The following ARHGEF12 variants were observed in gnomAD, a reference collection of about 807,000 sequenced individuals.
ARHGEF12 encodes the protein KMT2A/ARHGEF12 fusion protein.
ARHGEF12 carries 66 observed loss-of-function variants against 211.2 expected under a neutral mutation model. That is an observed-to-expected ratio of 0.31 (90% CI 0.26 to 0.38). The LOEUF (loss-of-function observed/expected upper bound fraction) is 0.38. ARHGEF12 is among the 10% of genes least tolerant of loss of function. The pLI, the probability that ARHGEF12 is intolerant of heterozygous loss-of-function variation, is 1.00. For synonymous variants in ARHGEF12, 592 were observed against 638.4 expected, an observed-to-expected ratio of 0.93 and a Z score of 1.09; for missense variants, 1,429 against 1,869.5, an observed-to-expected ratio of 0.76 and a Z score of 4.34.
intron 6 of ARHGEF12, 139 bp from the exon 7 acceptor site, chr11:120,424,219 G>A: frequency 1.9e-6 from 1 of 529,344 alleles, no homozygotes; most frequent in Non-Finnish European, 3.2e-6. Context: ...AATGAATATT[G>A]AATCAAATAC....
In ARHGEF12 at chr11:120,368,240, A is replaced by G. The variant is rs568465745; in HGVS notation, c.32+30965A>G. 2.6e-5 allele frequency among the ~76,000 whole-genome samples: 4 copies of G among 152,252 alleles called. No homozygotes were observed. The East Asian group carries it at 7.7e-4, about 29-fold the overall frequency. ...ATCTCCATGATAACAACATCATCTT[A>G]TATCATGACTACTGACTAAAATCCT... On this transcript the variant is annotated intron_variant, in intron 1 of 40. Coordinates refer to ENST00000397843, the MANE Select transcript of ARHGEF12 (RefSeq NM_015313.3).
At chr11:120,421,748 A>G in intron 5 of ARHGEF12, 55 bp from the exon 6 acceptor site, 1 of 1,502,752 alleles carries the variant, frequency 6.7e-7, no homozygotes, top group Non-Finnish European at 9.3e-7. Flanking sequence ...TCTGTCAGGA[A>G]GATGATCAGT....
At chr11:120,477,087 G>T (rs1484323022) in intron 34 of ARHGEF12, 132 bp from the exon 35 acceptor site, 9 of 425,046 alleles carry the variant, frequency 2.1e-5, no homozygotes, top group Non-Finnish European at 2.6e-5. Flanking sequence ...GGGTTTTGTT[G>T]TTGTTGTTGT....
At position 120,465,061 on chromosome 11, in the gene ARHGEF12, G is replaced by A. The variant is rs561368820; in HGVS notation, c.2614-176G>A. Reference sequence around the variant, plus strand: ...TTGGAATATGATCAGAAAAGGTCTGGTTGTGTCAAGATCAGACCTTTTTAA... The same window carrying A: ...TTGGAATATGATCAGAAAAGGTCTGATTGTGTCAAGATCAGACCTTTTTAA... On this transcript the variant is annotated intron_variant, in intron 27 of 40. Transcript: ENST00000397843. 949 of 741,856 alleles carry A rather than the reference G, an allele frequency of 1.3e-3. 6 individuals carry two copies. Among genetic ancestry groups the A allele is most frequent in the South Asian group, 6.7e-3 (339 of 50,414 alleles). The allele number at this position is 741,856 out of a possible 1,614,324, so 46.0% of individuals were successfully genotyped here.
At chr11:120,353,756 A>G (rs1001976635) in intron 1 of ARHGEF12, among the ~76,000 whole-genome samples, 1 of 152,202 alleles carries the variant, frequency 6.6e-6, no homozygotes, top group African/African-American at 2.4e-5. Context: ...TGCTCAGGGT[A>G]AGCTTTGTCC....
chr11:120,466,192 C>T (rs569421670), intron 28 of ARHGEF12, among the ~76,000 whole-genome samples: 148 of 152,318 alleles, frequency 9.7e-4, no homozygotes, highest in South Asian at 4.4e-3. Context: ...ACAGCGTCAG[C>T]GGGAGCTGCA....
chr11:120,451,743 T>G lies in ARHGEF12; in HGVS notation c.2056+19T>G. 1.2e-6 allele frequency: 2 copies of G among 1,600,816 alleles called. No homozygotes were observed. The highest frequency in any genetic ancestry group is 1.1e-5 in the South Asian group (1 of 89,806). Reference sequence around the variant, plus strand: ...GATACAGGTGAGCTATTACTGTAGTTCAGCTTAACTAAGCATCAAGATTTT... The same window carrying G: ...GATACAGGTGAGCTATTACTGTAGTGCAGCTTAACTAAGCATCAAGATTTT... On this transcript the variant is annotated intron_variant, in intron 22 of 40. Transcript: ENST00000397843.
rs576621893 is a variant in ARHGEF12 at position 120,446,308 on chromosome 11, C to G, written c.1346-95C>G. The stretch of plus-strand genomic sequence containing the variant: ...CTGAAGAACTTCCCTCTGGCATATT[C>G]TAAGTTAATTTGTACGAAGTAGCAT... On this transcript the variant is annotated intron_variant, in intron 16 of 40. Transcript: ENST00000397843. 675 of 814,464 alleles carry G rather than the reference C, an allele frequency of 8.3e-4. 2 individuals carry two copies. Among genetic ancestry groups the G allele is most frequent in the Non-Finnish European group, 6.1e-4 (341 of 555,626 alleles). The allele number at this position is 814,464 out of a possible 1,614,324, so 50.5% of individuals were successfully genotyped here.
intron 1 of ARHGEF12, among the ~76,000 whole-genome samples, chr11:120,404,043 C>T (rs540572439): frequency 7.2e-5 from 11 of 152,174 alleles, no homozygotes; most frequent in Admixed American, 2.6e-4. Flanking sequence ...AATCTCCTAC[C>T]TCCATTCTCA....
At chr11:120,451,388 A>C (rs1946209213) in intron 21 of ARHGEF12, 124 bp from the exon 22 acceptor site, 1 of 782,498 alleles carries the variant, frequency 1.3e-6, no homozygotes, top group Admixed American at 2.6e-5. Flanking sequence ...CATATTAGCC[A>C]GGATGGTCTC....
chr11:120,469,310 G>A lies in ARHGEF12; in HGVS notation c.2877G>A (p.Lys959=), dbSNP rs917577520. The A allele has an allele frequency of 5.6e-6, 9 of 1,612,940 alleles. No individual in the cohort carries two copies. The highest frequency in any genetic ancestry group is 5.0e-5 in the Admixed American group (3 of 59,914). ...TAGAATGGCCAACAGAAAGGGAGAA[G>A]GTGAAGAAAGCTGCAGATCACTGTC... ...KYTEWPTERE[K]VKKAADHCRQ... is the part of the protein sequence containing the mutation. Residue 959 remains lysine, a synonymous_variant, in exon 30 of 41, where the codon AAG becomes AAA. Coordinates refer to ENST00000397843, the MANE Select transcript of ARHGEF12 (RefSeq NM_015313.3).
At chr11:120,371,613 G>A (rs1055028156) in intron 1 of ARHGEF12, among the ~76,000 whole-genome samples, 4 of 152,272 alleles carry the variant, frequency 2.6e-5, no homozygotes, top group Middle Eastern at 3.4e-3. Flanking sequence ...TAAAGGGCAC[G>A]TAAACATACA....
intron 36 of ARHGEF12, 76 bp downstream of exon 36, chr11:120,477,602 T>C: frequency 1.4e-6 from 2 of 1,396,118 alleles, no homozygotes; most frequent in South Asian, 1.2e-5. Flanking sequence ...TGGTGGCTCA[T>C]GCCTGTAATC....
At chr11:120,385,850 A>G (rs551968613) in intron 1 of ARHGEF12, among the ~76,000 whole-genome samples, 66 of 152,264 alleles carry the variant, frequency 4.3e-4, no homozygotes, top group African/African-American at 1.5e-3. Flanking sequence ...CTTGAATCTT[A>G]GAGACTTTGA....
At chr11:120,456,792 A>G (rs941784481) in intron 22 of ARHGEF12, among the ~76,000 whole-genome samples, 3 of 152,182 alleles carry the variant, frequency 2.0e-5, no homozygotes, top group African/African-American at 7.2e-5. Flanking sequence ...CCAGGAATTC[A>G]AGACTAGCCT....
intron 1 of ARHGEF12, among the ~76,000 whole-genome samples, chr11:120,399,596 A>G (rs1944501329): frequency 1.3e-5 from 2 of 152,164 alleles, no homozygotes; most frequent in South Asian, 4.2e-4. Flanking sequence ...ATACTCTGTG[A>G]TTTGGGGTTA....
At chr11:120,422,787 A>T (rs1591571610) in intron 6 of ARHGEF12, among the ~76,000 whole-genome samples, 1 of 152,214 alleles carries the variant, frequency 6.6e-6, no homozygotes, top group East Asian at 1.9e-4. Flanking sequence ...TGTTATATGT[A>T]TGTGTATGTA....
At chr11:120,394,388 G>T (rs1414517325) in intron 1 of ARHGEF12, among the ~76,000 whole-genome samples, 1 of 151,604 alleles carries the variant, frequency 6.6e-6, no homozygotes, top group South Asian at 2.1e-4. Context: ...TAGAGATGGG[G>T]TCTCACTGTG....
intron 1 of ARHGEF12, among the ~76,000 whole-genome samples, chr11:120,362,809 T>C (rs187950493): frequency 1.3e-3 from 197 of 152,268 alleles, no homozygotes; most frequent in African/African-American, 4.3e-3. Context: ...AGACCCCTAC[T>C]TAAAGAAACA....
Sources: allele counts gnomAD v4.1 joint callset (sites outside exome capture counted in the v4.1 genomes callset), GRCh38; gene constraint gnomAD v4.1.1; transcripts MANE v1.5; gene names NCBI Gene and HGNC (gene_info 2026-07-23, HGNC 2026-07-21).